Variants in LZTR1 observed in about 807,000 individuals in gnomAD.
The protein encoded by LZTR1 is leucine-zipper-like transcriptional regulator 1.
In LZTR1, 260 loss-of-function variants were observed where a neutral mutation model predicts 105.7. That is an observed-to-expected ratio of 2.46 (90% CI 2.22 to 2.72). The LOEUF is 2.72. Among genes scored for constraint, LZTR1 ranks in the 30% most tolerant of loss-of-function variants. The pLI, the probability that LZTR1 is intolerant of heterozygous loss-of-function variation, is 0.00. For synonymous variants in LZTR1, 490 were observed against 476.4 expected (o/e 1.03, Z -0.37); for missense variants, 1,214 against 1,166.9 (o/e 1.04, Z -0.59).
chr22:20,986,964 A>G (rs1244428779), intron 3 of LZTR1: 1 of 152,374 alleles, frequency 6.6e-6, no homozygotes, highest in Middle Eastern at 3.2e-3. Context: ...TGTGCAGGGA[A>G]GACCTCAAGG....
rs739522 is a variant in LZTR1, at chr22:20,993,121, G to T, written c.1260+217G>T. 0.02 allele frequency among the ~76,000 whole-genome samples: 3,014 copies of T among 152,342 alleles called. 167 individuals are homozygous for T. Among genetic ancestry groups the T allele is most frequent in the East Asian group, 0.17 (898 of 5,164 alleles). ...AGTGGGGCAGGCAGATGGTGCTGGG[G>T]CTCACGGCAGAGTCAGTGGAGGGAG... On this transcript the variant is annotated intron_variant, in intron 11 of 20. Coordinates refer to ENST00000646124, the MANE Select transcript of LZTR1 (RefSeq NM_006767.4).
At chr22:20,994,394 C>T (rs1323008477) in intron 14 of LZTR1, 125 bp downstream of exon 14, 2 of 1,279,644 alleles carry the variant, frequency 1.6e-6, no homozygotes, top group Non-Finnish European at 2.2e-6. Flanking sequence ...CTGCAGGTCA[C>T]CCTCCTTACC....
chr22:20,989,825 C>G (rs759161476), intron 7 of LZTR1, 143 bp downstream of exon 7: 5 of 884,788 alleles, frequency 5.7e-6, no homozygotes, highest in African/African-American at 4.9e-5. Flanking sequence ...GGCTGGGGGT[C>G]GAGGCTGCTT....
chr22:20,984,381 A>G (rs998286772), intron 2 of LZTR1, among the ~76,000 whole-genome samples: 4 of 152,218 alleles, frequency 2.6e-5, no homozygotes, highest in Non-Finnish European at 5.9e-5. Flanking sequence ...CAAACCAGAA[A>G]GGGCTTTAGT....
intron 18 of LZTR1, chr22:20,996,381 C>T (rs537801390): frequency 3.4e-6 from 2 of 594,062 alleles, no homozygotes; most frequent in South Asian, 4.0e-5. Context: ...CTTTGTGTGA[C>T]AGTTGAGCAC....
chr22:20,994,976 G>T lies in LZTR1; in HGVS notation c.1892G>T (p.Arg631Leu). 1 of 1,613,102 alleles carries T rather than the reference G, an allele frequency of 6.2e-7. No homozygotes were observed. The highest frequency in any genetic ancestry group is 1.6e-4 in the Middle Eastern group (1 of 6,062). The change falls in exon 16 of 21, where the codon CGG becomes CTG. Residue 631 changes from arginine to leucine, a missense_variant. Coordinates refer to ENST00000646124, the MANE Select transcript of LZTR1 (RefSeq NM_006767.4). ...SSPLIVEIVR[R>L]KQQPPPRTPL... ...CCACTGATAGTGGAGATTGTGCGGC[G>T]GAAGCAGCAGCCGCCCCCTCGCACT...
chr22:20,997,277 C>G lies in LZTR1; in HGVS notation c.2452C>G (p.Leu818Val). Reference protein sequence around the residue: ...TLRSLSQQLLLDIIDSLASHI... With the variant: ...TLRSLSQQLLVDIIDSLASHI... Reference sequence around the variant, plus strand: ...GCGGTCGCTGAGCCAGCAGCTGCTGCTGGACATCATAGACTCCCTGGCCTC... The same window carrying G: ...GCGGTCGCTGAGCCAGCAGCTGCTGGTGGACATCATAGACTCCCTGGCCTC... The change falls in exon 21 of 21, where the codon CTG (leucine) becomes GTG (valine). Residue 818 changes from leucine (L) to valine (V), a missense_variant. Coordinates refer to ENST00000646124, the MANE Select transcript of LZTR1 (RefSeq NM_006767.4). The G allele has an allele frequency of 6.2e-7, 1 of 1,613,914 alleles. No homozygotes were observed. Among genetic ancestry groups the G allele is most frequent in the Non-Finnish European group, 8.5e-7 (1 of 1,179,988 alleles).
At chr22:20,995,412 G>A (rs1924796506) in intron 16 of LZTR1, 5 of 617,038 alleles carry the variant, frequency 8.1e-6, no homozygotes, top group Non-Finnish European at 1.2e-5. Context: ...TGCTGACCCC[G>A]GTTGCTGGCT....
In LZTR1 at chr22:20,994,109, G is replaced by C; in HGVS notation, c.1455G>C (p.Leu485=). 6.3e-7 allele frequency: 1 copy of C among 1,578,910 alleles called. No individual in the cohort carries two copies. Residue 485 remains leucine, a synonymous_variant, in exon 14 of 21, where the codon CTG becomes CTC. Transcript: ENST00000646124. ...GAGCTCCCTTCTCCCCACAGAAGCT[G>C]GAGCAGGAGGCCGCCCCAGTTCCCA... ...TQARERLAQK[L]EQEAAPVPRE...
chr22:20,995,275 A>G (rs1601722372), intron 16 of LZTR1: 2 of 684,542 alleles, frequency 2.9e-6, no homozygotes, highest in East Asian at 2.9e-5. Context: ...GGGGGTGGAC[A>G]TGGGGCACCT....
At chr22:20,987,461 G>C (rs775788445) in intron 3 of LZTR1, 43 bp from the exon 4 acceptor site, 4 of 1,175,982 alleles carry the variant, frequency 3.4e-6, no homozygotes, top group Non-Finnish European at 5.1e-6. Context: ...TGGACCTCAT[G>C]GGTGACCCCC....
chr22:20,988,226 A>G, intron 5 of LZTR1, 108 bp downstream of exon 5: 1 of 690,628 alleles, frequency 1.4e-6, no homozygotes. Flanking sequence ...GGCACGCAAT[A>G]GCAGGGAGCT....
chr22:20,998,833 C>T lies in LZTR1; in HGVS notation c.*1485C>T, dbSNP rs4141690. 2 of 152,160 alleles carry T rather than the reference C, an allele frequency of 1.3e-5. No homozygotes were observed. The highest frequency in any genetic ancestry group is 2.9e-5 in the Non-Finnish European group (2 of 68,052). The allele number at this position is 152,160 out of a possible 1,614,324, so 9.4% of individuals were successfully genotyped here. The stretch of plus-strand genomic sequence containing the variant: ...CATTCACTCAGAGTGGGGCCACACA[C>T]CCATCTACCCAGTTTCCACAAGATG... On this transcript the variant is annotated 3_prime_UTR_variant, in exon 21 of 21. Coordinates refer to ENST00000646124, the MANE Select transcript of LZTR1 (RefSeq NM_006767.4).
In LZTR1 at chr22:20,997,337, G is replaced by A. The variant is rs749366666; in HGVS notation, c.2512G>A (p.Ala838Thr). The change falls in exon 21 of 21, where the codon GCC becomes ACC. Residue 838 changes from alanine to threonine, a missense_variant. Physicochemically the swap from Ala to Thr is moderately conservative, Grantham distance 58. Transcript: ENST00000646124. ...AGACAAGCAGTGCGCAGAGCTGGGC[G>A]CCGACATCTGAGGCCCTGTGGCGCC... ...ISDKQCAELG[A>T]DI 9.3e-6 allele frequency: 15 copies of A among 1,612,080 alleles called. No homozygotes were observed. The highest frequency in any genetic ancestry group is 3.3e-5 in the Admixed American group (2 of 59,996).
chr22:20,997,021 C>G, intron 20 of LZTR1, 55 bp downstream of exon 20: 1 of 1,579,040 alleles, frequency 6.3e-7, no homozygotes, highest in East Asian at 2.2e-5. Flanking sequence ...GTGGCCATGC[C>G]CAGGCAGGGA....
chr22:20,990,383 C>G lies in LZTR1; in HGVS notation c.652-3C>G. The G allele has an allele frequency of 6.2e-7, 1 of 1,614,102 alleles. No individual in the cohort carries two copies. On this transcript the variant is annotated splice_region_variant and splice_polypyrimidine_tract_variant and intron_variant, in intron 7 of 20. Transcript: ENST00000646124. ...GGGGCTGAGCTGTCCTCTCCCCCTGCAGGTGGCCCAGAGTGGCGAGATCCC... is the reference window on the plus strand; with the variant it reads ...GGGGCTGAGCTGTCCTCTCCCCCTGGAGGTGGCCCAGAGTGGCGAGATCCC...
chr22:20,983,233 G>A (rs910056919), intron 2 of LZTR1, 144 bp downstream of exon 2: 2 of 708,670 alleles, frequency 2.8e-6, no homozygotes, highest in Non-Finnish European at 5.1e-6. Flanking sequence ...GAGATTCCTT[G>A]CACTCACCTC....
intron 1 of LZTR1, 50 bp from the exon 2 acceptor site, chr22:20,982,976 TG>T: frequency 6.6e-7 from 1 of 1,506,128 alleles, no homozygotes; most frequent in Non-Finnish European, 9.2e-7. Flanking sequence ...ATTCCTTGGG[TG>T]CCCCCCAGGA....
intron 6 of LZTR1, 152 bp downstream of exon 6, chr22:20,989,024 T>G (rs1268069760): frequency 6.1e-6 from 4 of 659,060 alleles, no homozygotes; most frequent in East Asian, 2.9e-5. Context: ...GGGAGGGGGA[T>G]GGGGAAAGAG....
Sources: allele counts gnomAD v4.1 joint callset (sites outside exome capture counted in the v4.1 genomes callset), GRCh38; gene constraint gnomAD v4.1.1; transcripts MANE v1.5; gene names NCBI Gene and HGNC (gene_info 2026-07-23, HGNC 2026-07-21).